The following MTERF3 variants were observed in gnomAD, a reference collection of about 807,000 sequenced individuals.
MTERF3 encodes the protein mitochondrial transcription termination factor 3, also known as transcription termination factor 3, mitochondrial.
In MTERF3, 40 loss-of-function variants were observed where a neutral mutation model predicts 40.5. The ratio of observed to expected loss-of-function variants is 0.99; its 90% CI spans 0.77 to 1.29. MTERF3 has a LOEUF of 1.29. Among genes scored for constraint, MTERF3 ranks in the 50% most tolerant of loss-of-function variants. MTERF3 has a pLI of 0.00. For synonymous variants in MTERF3, 158 were observed against 166.6 expected (o/e 0.95, Z 0.40); for missense variants, 452 against 478.2 (o/e 0.95, Z 0.51).
chr8:96,246,657 T>TCCA (rs1810027490), intron 4 of MTERF3, among the ~76,000 whole-genome samples: 1 of 152,240 alleles, frequency 6.6e-6, no homozygotes, highest in Non-Finnish European at 1.5e-5. Flanking sequence ...CTAGATGGTT[T>TCCA]CCACTTATAC....
chr8:96,248,465 T>C (rs116797412), intron 4 of MTERF3, among the ~76,000 whole-genome samples: 247 of 152,358 alleles, frequency 1.6e-3, no homozygotes, highest in African/African-American at 5.7e-3. Flanking sequence ...GTATAAATGC[T>C]ACCAATTGTT....
chr8:96,252,187 C>G (rs1169416740), intron 3 of MTERF3, among the ~76,000 whole-genome samples: 2 of 152,190 alleles, frequency 1.3e-5, no homozygotes, highest in East Asian at 3.8e-4. Context: ...ATTGCCCAGT[C>G]TCGGGTATGT....
At chr8:96,242,297 GT>G (rs570500636) in intron 7 of MTERF3, among the ~76,000 whole-genome samples, 273 of 152,266 alleles carry the variant, frequency 1.8e-3, no homozygotes, top group African/African-American at 5.5e-3. Flanking sequence ...TGAGGCAAGG[GT>G]TTGGGGTGCC....
chr8:96,257,392 T>C (rs1810301243), intron 2 of MTERF3: 1 of 254,102 alleles, frequency 3.9e-6, no homozygotes, highest in South Asian at 1.1e-4. Context: ...ATGCTAAAAA[T>C]CACCTAACTT....
At chr8:96,248,561 T>TA (rs1385144508) in intron 4 of MTERF3, among the ~76,000 whole-genome samples, 1 of 152,224 alleles carries the variant, frequency 6.6e-6, no homozygotes, top group Non-Finnish European at 1.5e-5. Flanking sequence ...GCTGTGTCGA[T>TA]AGGTGGGTCT....
intron 7 of MTERF3, among the ~76,000 whole-genome samples, chr8:96,240,184 G>T (rs569720262): frequency 7.3e-5 from 11 of 151,634 alleles, no homozygotes; most frequent in African/African-American, 2.7e-4. Context: ...GGAGACGGAG[G>T]TTGCAGTGAG....
intron 7 of MTERF3, among the ~76,000 whole-genome samples, chr8:96,242,180 T>A (rs532482506): frequency 2.6e-5 from 4 of 152,358 alleles, no homozygotes; most frequent in Admixed American, 2.6e-4. Context: ...TATTTTTTCA[T>A]TAATAAGCTT....
At chr8:96,246,068 T>A (rs1810015411) in intron 5 of MTERF3, 137 bp from the exon 6 acceptor site, 1 of 851,080 alleles carries the variant, frequency 1.2e-6, no homozygotes, top group Non-Finnish European at 1.8e-6. Context: ...ACCCCAGGAA[T>A]AGATAAGATT....
At position 96,258,590 on chromosome 8, in the gene MTERF3, G is replaced by C; in HGVS notation, c.101C>G (p.Ala34Gly). The change falls in exon 2 of 8, where the codon GCA becomes GGA. Residue 34 changes from alanine (A) to glycine (G), a missense_variant. Ala to Gly is a moderately conservative substitution (Grantham distance 60). Coordinates refer to ENST00000287025, the MANE Select transcript of MTERF3 (RefSeq NM_015942.5). ...AQLTKRFTRP[A>G]RTLLHGFSAQ... Reference sequence around the variant, plus strand: ...AGAAAAGCCATGTAACAGTGTTCTTGCTGGTCTAGTAAAACGTTTTGTGAG... The same window carrying C: ...AGAAAAGCCATGTAACAGTGTTCTTCCTGGTCTAGTAAAACGTTTTGTGAG... 1.2e-6 allele frequency: 2 copies of C among 1,614,118 alleles called. No homozygotes were observed. The highest frequency in any genetic ancestry group is 1.7e-6 in the Non-Finnish European group (2 of 1,179,970).
At chr8:96,248,281 A>G (rs1810059382) in intron 4 of MTERF3, among the ~76,000 whole-genome samples, 1 of 152,252 alleles carries the variant, frequency 6.6e-6, no homozygotes, top group Admixed American at 6.5e-5. Context: ...TGTACAAGGT[A>G]AGTCACTACA....
intron 7 of MTERF3, among the ~76,000 whole-genome samples, chr8:96,240,391 T>C (rs1809903939): frequency 6.6e-6 from 1 of 152,182 alleles, no homozygotes. Context: ...ATGTTAGAGA[T>C]TAAGATGTTA....
intron 7 of MTERF3, among the ~76,000 whole-genome samples, chr8:96,241,721 T>C (rs1475264290): frequency 6.6e-6 from 1 of 152,122 alleles, no homozygotes; most frequent in Non-Finnish European, 1.5e-5. Context: ...TACTTTGCCA[T>C]TGGCACAAAA....
chr8:96,250,643 A>AGAC (rs1563548757), intron 4 of MTERF3, among the ~76,000 whole-genome samples: 5 of 31,642 alleles, frequency 1.6e-4, no homozygotes, highest in African/African-American at 4.0e-4. Context: ...AAGAAGAAGA[A>AGAC]GAAGAAGAAG....
chr8:96,242,541 C>T (rs1329974246), intron 7 of MTERF3, among the ~76,000 whole-genome samples: 1 of 152,212 alleles, frequency 6.6e-6, no homozygotes, highest in African/African-American at 2.4e-5. Context: ...TTACTTAAAT[C>T]TCTTTAAGCT....
chr8:96,243,675 T>C (rs1347982659), intron 7 of MTERF3, among the ~76,000 whole-genome samples: 1 of 152,062 alleles, frequency 6.6e-6, no homozygotes, highest in East Asian at 1.9e-4. Flanking sequence ...CAAAGTAAAG[T>C]AGAGAAAAAC....
chr8:96,251,272 T>G (rs1354183399), intron 3 of MTERF3, among the ~76,000 whole-genome samples, 177 bp from the exon 4 acceptor site: 2 of 152,222 alleles, frequency 1.3e-5, no homozygotes, highest in Non-Finnish European at 2.9e-5. Context: ...AACAACATAG[T>G]ATTTATTTTA....
intron 1 of MTERF3, 76 bp from the exon 2 acceptor site, chr8:96,258,776 C>T (rs1810329549): frequency 9.1e-7 from 1 of 1,093,082 alleles, no homozygotes; most frequent in Non-Finnish European, 1.3e-6. Context: ...ATTCAAACAA[C>T]AAAAAGATAA....
intron 1 of MTERF3, among the ~76,000 whole-genome samples, chr8:96,260,955 G>A (rs1435077997): frequency 1.3e-5 from 2 of 152,208 alleles, no homozygotes; most frequent in African/African-American, 4.8e-5. Flanking sequence ...AAAGCGGGTA[G>A]GGGATGTGCA....
At chr8:96,242,772 ACCTGTC>A (rs1026694622) in intron 7 of MTERF3, among the ~76,000 whole-genome samples, 1 of 152,106 alleles carries the variant, frequency 6.6e-6, no homozygotes, top group Non-Finnish European at 1.5e-5. Context: ...CTATTTTTAA[ACCTGTC>A]TTCCACACTC....
Sources: allele counts gnomAD v4.1 joint callset (sites outside exome capture counted in the v4.1 genomes callset), GRCh38; gene constraint gnomAD v4.1.1; transcripts MANE v1.5; gene names NCBI Gene and HGNC (gene_info 2026-07-23, HGNC 2026-07-21).